MCC: variants seen among roughly 807,000 people sequenced by gnomAD.
MCC encodes MCC regulator of Wnt signaling pathway.
MCC carries 90 observed loss-of-function variants against 116.2 expected under a neutral mutation model. That is an observed-to-expected ratio of 0.77 (90% confidence interval 0.65 to 0.92). The LOEUF (loss-of-function observed/expected upper bound fraction) is 0.92, where lower values mean the gene tolerates loss of function less well. MCC is among the 40% of genes least tolerant of loss of function. The pLI is 0.00. For missense variants in MCC, 1,516 were observed against 1,312.2 expected (o/e 1.16, Z -2.40); for synonymous variants, 578 against 510.5 (o/e 1.13, Z -1.78).
At chr5:113,074,307 C>T (rs930054921) in intron 11 of MCC, among the ~76,000 whole-genome samples, 5 of 152,356 alleles carry the variant, frequency 3.3e-5, no homozygotes, top group South Asian at 2.1e-4. Context: ...AACAGACCTG[C>T]AGCTGAGGGT....
At chr5:113,432,729 A>G (rs570391378) in intron 1 of MCC, 4 of 152,334 alleles carry the variant, frequency 2.6e-5, no homozygotes, top group East Asian at 3.9e-4. Flanking sequence ...CATTAATTGG[A>G]TATTAGCATT....
chr5:113,187,105 T>G (rs1185648226), intron 3 of MCC, among the ~76,000 whole-genome samples: 1 of 152,144 alleles, frequency 6.6e-6, no homozygotes, highest in Non-Finnish European at 1.5e-5. Flanking sequence ...CATTCCAAAC[T>G]CATTTAAACT....
intron 6 of MCC, among the ~76,000 whole-genome samples, chr5:113,117,221 G>C (rs1309853390): frequency 6.6e-6 from 1 of 152,158 alleles, no homozygotes; most frequent in South Asian, 2.1e-4. Flanking sequence ...CTTGACACTT[G>C]TAAACATTTT....
chr5:113,065,876 A>T (rs1374480302), intron 13 of MCC, among the ~76,000 whole-genome samples: 1 of 152,176 alleles, frequency 6.6e-6, no homozygotes, highest in Non-Finnish European at 1.5e-5. Context: ...GAACTGCTAA[A>T]AATCAAGCCT....
intron 3 of MCC, among the ~76,000 whole-genome samples, chr5:113,153,874 C>T (rs1760026036): frequency 6.6e-6 from 1 of 152,212 alleles, no homozygotes; most frequent in Non-Finnish European, 1.5e-5. Flanking sequence ...GATCTGGAAT[C>T]CAGAGACTGA....
At chr5:113,217,053 C>T (rs1164192987) in intron 3 of MCC, among the ~76,000 whole-genome samples, 1 of 152,346 alleles carries the variant, frequency 6.6e-6, no homozygotes, top group South Asian at 2.1e-4. Flanking sequence ...TGGCTAGGGT[C>T]GTCTCAGCTA....
intron 2 of MCC, among the ~76,000 whole-genome samples, chr5:113,366,345 G>A (rs1052607418): frequency 6.6e-6 from 1 of 151,550 alleles, no homozygotes; most frequent in African/African-American, 2.4e-5. Flanking sequence ...GTTAATTCTT[G>A]CTCATGTGTG....
intron 3 of MCC, among the ~76,000 whole-genome samples, chr5:113,181,171 G>A (rs1367166372): frequency 6.6e-6 from 1 of 152,182 alleles, no homozygotes; most frequent in African/African-American, 2.4e-5. Context: ...GAATTTTGAT[G>A]GGAAGCTTTG....
At chr5:113,098,245 A>G (rs1756166161) in intron 8 of MCC, among the ~76,000 whole-genome samples, 1 of 152,156 alleles carries the variant, frequency 6.6e-6, no homozygotes, top group African/African-American at 2.4e-5. Flanking sequence ...ATGTGGAGAA[A>G]GTGGTTCCTG....
rs749479534 is a variant in MCC, at chr5:113,104,390, G to A, written c.1028-35C>T. The A allele has an allele frequency of 2.6e-6, 4 of 1,558,848 alleles. No homozygotes were observed. In the Admixed American group the frequency reaches 5.3e-5, roughly 21 times the overall value. ...AATGAAGACAAAATGCGTTACACAG[G>A]GCAACAAATGCTGTCTGTTTTGCTT... On this transcript the variant is annotated intron_variant, in intron 6 of 18. Transcript: ENST00000408903.
intron 3 of MCC, among the ~76,000 whole-genome samples, chr5:113,318,132 G>A (rs1264997077): frequency 1.3e-5 from 2 of 152,206 alleles, no homozygotes; most frequent in African/African-American, 4.8e-5. Flanking sequence ...GAAGAGTTTA[G>A]TTAGCTGGGA....
At chr5:113,179,938 T>C (rs547657212) in intron 3 of MCC, among the ~76,000 whole-genome samples, 23 of 152,208 alleles carry the variant, frequency 1.5e-4, no homozygotes, top group Admixed American at 6.5e-4. Flanking sequence ...CATACATACC[T>C]AAACATATAC....
chr5:113,290,939 T>C (rs1766470322), intron 3 of MCC, among the ~76,000 whole-genome samples: 1 of 152,250 alleles, frequency 6.6e-6, no homozygotes, highest in South Asian at 2.1e-4. Context: ...ATCACTAGTT[T>C]ATCCGTCTAC....
chr5:113,254,456 CAAG>C (rs1484925511), intron 3 of MCC, among the ~76,000 whole-genome samples: 2 of 152,104 alleles, frequency 1.3e-5, no homozygotes, highest in African/African-American at 2.4e-5. Context: ...TTTGTATAAT[CAAG>C]AAAATAAATT....
rs1760932654 is a variant in MCC, at chr5:113,169,142, A to G, written c.628-17720T>C. On this transcript the variant is annotated intron_variant, in intron 3 of 18. Coordinates refer to ENST00000408903, the MANE Select transcript of MCC (RefSeq NM_001085377.2). ...AGGAAGACAGAAAGAAGGGACACTG[A>G]TTTGCATTGCTCTTGCTGTTTTATA... Among the ~76,000 whole-genome samples, 3 of 152,038 alleles carry G rather than the reference A, an allele frequency of 2.0e-5. No individual in the cohort carries two copies. The South Asian group carries it at 6.2e-4, about 32-fold the overall frequency.
chr5:113,050,225 G>T (rs10052587), intron 15 of MCC, among the ~76,000 whole-genome samples: 2 of 152,132 alleles, frequency 1.3e-5, no homozygotes, highest in Non-Finnish European at 2.9e-5. Flanking sequence ...AAGCTGTCTG[G>T]TTCAGAGCTA....
intron 3 of MCC, among the ~76,000 whole-genome samples, chr5:113,184,965 C>T (rs1209231186): frequency 6.6e-6 from 1 of 152,104 alleles, no homozygotes; most frequent in Admixed American, 6.5e-5. Context: ...TCTACAAACC[C>T]AAATCTTATC....
chr5:113,147,297 G>A (rs1227629581), intron 4 of MCC, among the ~76,000 whole-genome samples: 1 of 152,132 alleles, frequency 6.6e-6, no homozygotes, highest in East Asian at 1.9e-4. Context: ...CAGGGATAAA[G>A]CCCTGAGTCA....
chr5:113,433,960 T>C (rs1193688090), intron 1 of MCC: 1 of 1,613,956 alleles, frequency 6.2e-7, no homozygotes, highest in East Asian at 2.2e-5. Context: ...AAGGGTTCAG[T>C]TCCCCGGGAA....
Sources: allele counts gnomAD v4.1 joint callset (sites outside exome capture counted in the v4.1 genomes callset), GRCh38; gene constraint gnomAD v4.1.1; transcripts MANE v1.5; gene names NCBI Gene and HGNC (gene_info 2026-07-23, HGNC 2026-07-21).